PTPRD: variants seen among roughly 807,000 people sequenced by gnomAD.
The protein encoded by PTPRD is protein tyrosine phosphatase receptor type D, also known as receptor-type tyrosine-protein phosphatase delta.
Under a neutral mutation model 214.5 loss-of-function variants are expected in PTPRD, and 34 were observed. The observed-to-expected ratio is 0.16, with a 90% CI of 0.12 to 0.21. The LOEUF (loss-of-function observed/expected upper bound fraction) is 0.21. Ranked by LOEUF, PTPRD falls within the 10% of genes least tolerant of loss-of-function variation. The probability of loss-of-function intolerance (pLI) is 1.00; values close to 1 mark genes in which losing one functional copy is unlikely to be tolerated. For synonymous variants in PTPRD, 1,128 were observed against 845.7 expected (o/e 1.33, Z -5.79); for missense variants, 2,545 against 2,398.7 (o/e 1.06, Z -1.27).
At chr9:9,809,984 T>C (rs1024587926) in intron 5 of PTPRD, among the ~76,000 whole-genome samples, 3 of 152,080 alleles carry the variant, frequency 2.0e-5, no homozygotes, top group Non-Finnish European at 4.4e-5. Flanking sequence ...TGAGTTCACA[T>C]ATATGTGGAT....
intron 11 of PTPRD, among the ~76,000 whole-genome samples, chr9:8,928,943 C>G (rs1453074769): frequency 6.6e-6 from 1 of 152,116 alleles, no homozygotes. Flanking sequence ...ATTTTATTCT[C>G]TTTGTAGCAA....
At chr9:9,388,025 C>T (rs2064473763) in intron 9 of PTPRD, among the ~76,000 whole-genome samples, 1 of 152,042 alleles carries the variant, frequency 6.6e-6, no homozygotes, top group African/African-American at 2.4e-5. Flanking sequence ...GAGTTTCTTG[C>T]CTTGCTGTAC....
intron 9 of PTPRD, among the ~76,000 whole-genome samples, chr9:9,310,772 G>C (rs1246869822): frequency 1.3e-5 from 2 of 151,884 alleles, no homozygotes; most frequent in Non-Finnish European, 2.9e-5. Flanking sequence ...ACAAAAATTA[G>C]CCGGGCATGG....
intron 5 of PTPRD, among the ~76,000 whole-genome samples, chr9:9,822,236 C>A (rs1336179990): frequency 2.7e-5 from 4 of 150,508 alleles, no homozygotes; most frequent in Admixed American, 2.0e-4. Flanking sequence ...CATGGTGAAA[C>A]CCCTTCTCTA....
rs529348908 is a variant in PTPRD, at chr9:10,113,357, G to A, written c.-544-79567C>T. Among the ~76,000 whole-genome samples the A allele has an allele frequency of 2.0e-5, 3 of 152,258 alleles. No homozygotes were observed. The South Asian group carries it at 6.2e-4, about 32-fold the overall frequency. On this transcript the variant is annotated intron_variant, in intron 3 of 45. Coordinates refer to ENST00000381196, the MANE Select transcript of PTPRD (RefSeq NM_002839.4). ...TGCTAGTTTCACTCTCAGGCCACTG[G>A]GCTCACAATGAAGTCAGGTACTTAT...
chr9:8,732,615 A>C (rs1368271225), intron 12 of PTPRD, among the ~76,000 whole-genome samples: 1 of 152,218 alleles, frequency 6.6e-6, no homozygotes, highest in Non-Finnish European at 1.5e-5. Flanking sequence ...CCCAAGTGCT[A>C]ATTAGGAAAC....
rs79582640 is a variant in PTPRD, at chr9:9,598,579, A to C, written c.-286-23798T>G. On this transcript the variant is annotated intron_variant, in intron 7 of 45. Coordinates refer to ENST00000381196, the MANE Select transcript of PTPRD (RefSeq NM_002839.4). ...GAAGCAACTACTATAGACCTACTAT[A>C]GACCTTTTGATTAACTATTTTATAG... 6.4e-3 allele frequency among the ~76,000 whole-genome samples: 981 copies of C among 152,246 alleles called. 69 individuals carry two copies. In the East Asian group the frequency reaches 0.16, roughly 24 times the overall value.
chr9:9,681,102 T>A (rs926026163), intron 7 of PTPRD, among the ~76,000 whole-genome samples: 1 of 151,850 alleles, frequency 6.6e-6, no homozygotes, highest in African/African-American at 2.4e-5. Flanking sequence ...TAGAGTCAAA[T>A]AAATATTTCT....
chr9:10,499,455 T>C (rs997307428), intron 2 of PTPRD, among the ~76,000 whole-genome samples: 2 of 151,954 alleles, frequency 1.3e-5, no homozygotes, highest in African/African-American at 4.8e-5. Flanking sequence ...TTACCATCAA[T>C]CATACCGGAC....
intron 35 of PTPRD, among the ~76,000 whole-genome samples, chr9:8,435,255 A>T (rs1349673286): frequency 1.3e-5 from 2 of 152,138 alleles, no homozygotes; most frequent in Non-Finnish European, 2.9e-5. Context: ...TCACTGCTCT[A>T]TGTTCTCTTA....
intron 2 of PTPRD, among the ~76,000 whole-genome samples, chr9:10,392,257 G>A (rs2098083111): frequency 6.6e-6 from 1 of 151,884 alleles, no homozygotes; most frequent in Admixed American, 6.6e-5. Context: ...TTAGTCACTA[G>A]CCACATGAGG....
At chr9:10,193,311 A>G (rs2099381988) in intron 3 of PTPRD, among the ~76,000 whole-genome samples, 1 of 152,082 alleles carries the variant, frequency 6.6e-6, no homozygotes, top group Non-Finnish European at 1.5e-5. Flanking sequence ...ACCTGGGGAA[A>G]AAAATTCTAC....
chr9:8,640,567 A>AC (rs1292372286), intron 12 of PTPRD, among the ~76,000 whole-genome samples: 3 of 151,050 alleles, frequency 2.0e-5, no homozygotes, highest in Admixed American at 6.6e-5. Context: ...AAAACAAAAA[A>AC]AAAAAAAACA....
chr9:9,550,637 C>A (rs1348945995), intron 8 of PTPRD, among the ~76,000 whole-genome samples: 1 of 151,042 alleles, frequency 6.6e-6, no homozygotes, highest in Admixed American at 6.6e-5. Flanking sequence ...AAAACAAGAA[C>A]TTTTGCTCTG....
chr9:9,379,740 A>T (rs2061681755), intron 9 of PTPRD, among the ~76,000 whole-genome samples: 1 of 151,756 alleles, frequency 6.6e-6, no homozygotes, highest in African/African-American at 2.4e-5. Context: ...CCTCATATAG[A>T]TCATTTATTT....
At chr9:9,877,277 T>C (rs949256933) in intron 5 of PTPRD, among the ~76,000 whole-genome samples, 3 of 152,176 alleles carry the variant, frequency 2.0e-5, no homozygotes, top group African/African-American at 7.2e-5. Flanking sequence ...AACAACTGTC[T>C]TGGGACAAAA....
At chr9:10,061,528 C>G (rs985665131) in intron 3 of PTPRD, among the ~76,000 whole-genome samples, 1 of 152,078 alleles carries the variant, frequency 6.6e-6, no homozygotes, top group African/African-American at 2.4e-5. Context: ...ACTAAGTTCA[C>G]ACACTAGAGT....
intron 3 of PTPRD, among the ~76,000 whole-genome samples, chr9:10,290,177 C>T (rs765223852): frequency 2.6e-5 from 4 of 152,042 alleles, no homozygotes; most frequent in Non-Finnish European, 4.4e-5. Flanking sequence ...TGCTGCTATC[C>T]ACAAACTGCA....
At chr9:8,459,956 T>C (rs1030965221) in intron 33 of PTPRD, among the ~76,000 whole-genome samples, 1 of 152,102 alleles carries the variant, frequency 6.6e-6, no homozygotes, top group African/African-American at 2.4e-5. Context: ...GAGAAATAGC[T>C]ACAGGGAGCT....
Sources: gnomAD v4.1 joint callset for allele counts (sites outside exome capture counted in the v4.1 genomes callset) on GRCh38, gnomAD v4.1.1 for gene constraint, MANE v1.5 for transcripts, NCBI Gene and HGNC (gene_info 2026-07-23, HGNC 2026-07-21) for gene names.